Variants in GADD45B observed in about 807,000 individuals in gnomAD.
GADD45B encodes the protein growth arrest and DNA damage inducible beta.
GADD45B carries 8 observed loss-of-function variants against 15.2 expected under a neutral mutation model. The observed-to-expected ratio is 0.53, with a 90% CI of 0.31 to 0.95. GADD45B has a LOEUF of 0.95. Among genes scored for constraint, GADD45B ranks in the 40% least tolerant of loss-of-function variants. The probability of loss-of-function intolerance (pLI) is 0.05; values close to 1 mark genes in which losing one functional copy is unlikely to be tolerated. For synonymous variants in GADD45B, 100 were observed against 89.8 expected, an observed-to-expected ratio of 1.11 and a Z score of -0.64; for missense variants, 162 against 216.6, an observed-to-expected ratio of 0.75 and a Z score of 1.58.
Position 2,477,668 on chromosome 19 carries a change from C to CT in GADD45B, c.*67_*68insT. On this transcript the variant is annotated 3_prime_UTR_variant, in exon 4 of 4. Coordinates refer to ENST00000215631, the MANE Select transcript of GADD45B (RefSeq NM_015675.4). This position sits in a 1 kb window ranked among gnomAD's most constrained non-coding sequence, Gnocchi z 4.2. Reference sequence around the variant, plus strand: ...ACAAAAAATACAATAAATATTTGAACCCCCTCCCCCCCAGCACAACCCCCC... The same window carrying CT: ...ACAAAAAATACAATAAATATTTGAACTCCCCTCCCCCCCAGCACAACCCCCC... 1 of 719,482 alleles carries CT rather than the reference C, an allele frequency of 1.4e-6. No individual in the cohort carries two copies. Among genetic ancestry groups the CT allele is most frequent in the South Asian group, 1.6e-5 (1 of 61,380 alleles). The allele number at this position is 719,482 out of a possible 1,614,324, so 44.6% of individuals were successfully genotyped here.
chr19:2,476,268 T>C lies in GADD45B; in HGVS notation c.-91T>C. On this transcript the variant is annotated 5_prime_UTR_variant, in exon 1 of 4. Transcript: ENST00000215631. ...GTCTTGGACGAGCGCTCTAGCTCTG[T>C]GGGAAGGTTTTGGGCTCTCTGGCTC... 1 of 1,223,088 alleles carries C rather than the reference T, an allele frequency of 8.2e-7. No homozygotes were observed. Among genetic ancestry groups the C allele is most frequent in the Non-Finnish European group, 1.2e-6 (1 of 825,164 alleles). The allele number at this position is 1,223,088 out of a possible 1,614,324, so 75.8% of individuals were successfully genotyped here.
chr19:2,476,701 G>C, intron 2 of GADD45B, 71 bp downstream of exon 2: 1 of 915,154 alleles, frequency 1.1e-6, no homozygotes, highest in Non-Finnish European at 1.7e-6. Flanking sequence ...GACGCTTTCC[G>C]CACGCTTGTC....
At position 2,477,427 on chromosome 19, in the gene GADD45B, C is replaced by T. The variant is rs2144695810; in HGVS notation, c.370-61C>T. The stretch of plus-strand genomic sequence containing the variant: ...AAGCTATTTTGAGCCTGACTGTTTT[C>T]CCCACACAGGGGCCCCGGGAGAGGG... On this transcript the variant is annotated intron_variant, in intron 3 of 3. Coordinates refer to ENST00000215631, the MANE Select transcript of GADD45B (RefSeq NM_015675.4). The surrounding 1 kb of genome is among the most constrained non-coding windows in gnomAD (Gnocchi z 4.2). 8.1e-7 allele frequency: 1 copy of T among 1,230,748 alleles called. No individual in the cohort carries two copies. Among genetic ancestry groups the T allele is most frequent in the Non-Finnish European group, 1.2e-6 (1 of 852,456 alleles). 76.2% of individuals were successfully genotyped at this position (1,230,748 alleles called of 1,614,324 possible).
At position 2,477,759 on chromosome 19, in the gene GADD45B, G is replaced by T; in HGVS notation, c.*158G>T. On this transcript the variant is annotated 3_prime_UTR_variant, in exon 4 of 4. Transcript: ENST00000215631. The surrounding 1 kb of genome is among the most constrained non-coding windows in gnomAD (Gnocchi z 4.2). ...GTTGGAGACTGAAGAGGAAGAGGAG[G>T]AGGAGAAGGGGAGTGAGCGGCCGCC... The T allele has an allele frequency of 2.0e-6, 1 of 509,548 alleles. No individual in the cohort carries two copies. Among genetic ancestry groups the T allele is most frequent in the Non-Finnish European group, 3.5e-6 (1 of 282,366 alleles). The allele number at this position is 509,548 out of a possible 1,614,324, so 31.6% of individuals were successfully genotyped here.
chr19:2,476,539 G>C lies in GADD45B; in HGVS notation c.55G>C (p.Val19Leu). ...CTTTCCTGGTCTCAGGATGCAGACG[G>C]TGACCGCCGCGGTGGAGGAGCTTTT... Reference protein sequence around the residue: ...CDNAAQKMQTVTAAVEELLVA... With the variant: ...CDNAAQKMQTLTAAVEELLVA... The change falls in exon 2 of 4, where the codon GTG becomes CTG. Residue 19 changes from valine to leucine, a missense_variant. Val to Leu is a conservative substitution (Grantham distance 32). Transcript: ENST00000215631. The C allele has an allele frequency of 6.2e-7, 1 of 1,606,624 alleles. No individual in the cohort carries two copies. Among genetic ancestry groups the C allele is most frequent in the Non-Finnish European group, 8.5e-7 (1 of 1,174,904 alleles).
chr19:2,477,987 C>A lies in GADD45B; in HGVS notation c.*386C>A. On this transcript the variant is annotated 3_prime_UTR_variant, in exon 4 of 4. Coordinates refer to ENST00000215631, the MANE Select transcript of GADD45B (RefSeq NM_015675.4). The surrounding 1 kb of genome is among the most constrained non-coding windows in gnomAD (Gnocchi z 4.2). ...AGTGAGACTGACTGCAAGCCCCACC[C>A]TCCTTGAGACTGGAGCTGGCGTCTG... 6.0e-6 allele frequency: 1 copy of A among 167,218 alleles called. No individual in the cohort carries two copies. The highest frequency in any genetic ancestry group is 1.3e-5 in the Non-Finnish European group (1 of 75,524). The allele number at this position is 167,218 out of a possible 1,614,324, so 10.4% of individuals were successfully genotyped here.
In GADD45B at chr19:2,477,851, G is replaced by A. The variant is rs1568217837; in HGVS notation, c.*250G>A. The A allele has an allele frequency of 1.1e-5, 4 of 359,858 alleles. No individual in the cohort carries two copies. In the South Asian group the frequency reaches 1.1e-4, roughly 10 times the overall value. The allele number at this position is 359,858 out of a possible 1,614,324, so 22.3% of individuals were successfully genotyped here. A position where few individuals can be genotyped will look rare whatever the true frequency, so the allele number is the denominator to read the frequency against. On this transcript the variant is annotated 3_prime_UTR_variant, in exon 4 of 4. Transcript: ENST00000215631. The surrounding 1 kb of genome is among the most constrained non-coding windows in gnomAD (Gnocchi z 4.2). ...GGAGAAGGGGGGACCCAGGCCAGCA[G>A]GAGACAGGACCCCCGAAGCTGAGGC...
chr19:2,476,590 C>T lies in GADD45B; in HGVS notation c.106C>T (p.Leu36Phe). Reference protein sequence around the residue: ...LLVAAQRQDRLTVGVYESAKL... With the variant: ...LLVAAQRQDRFTVGVYESAKL... ...GGTGGCCGCTCAGCGCCAGGATCGCCTCACAGTGGGGGTGTACGAGTCGGC... is the reference window on the plus strand; with the variant it reads ...GGTGGCCGCTCAGCGCCAGGATCGCTTCACAGTGGGGGTGTACGAGTCGGC... The change falls in exon 2 of 4, where the codon CTC (leucine) becomes TTC (phenylalanine). Residue 36 changes from leucine (L) to phenylalanine (F), a missense_variant. Transcript: ENST00000215631. 1 of 1,601,050 alleles carries T rather than the reference C, an allele frequency of 6.2e-7. No individual in the cohort carries two copies. Among genetic ancestry groups the T allele is most frequent in the Non-Finnish European group, 8.5e-7 (1 of 1,171,760 alleles).
chr19:2,476,506 T>C (rs370255741), intron 1 of GADD45B, 23 bp from the exon 2 acceptor site: 155 of 1,604,966 alleles, frequency 9.7e-5, no homozygotes, highest in Non-Finnish European at 1.3e-4. Context: ...CGCCCGTCAC[T>C]GATCCCTCTT....
rs368090278 is a variant in GADD45B at position 2,477,022 on chromosome 19, C to T, written c.147-7C>T. On this transcript the variant is annotated splice_polypyrimidine_tract_variant and splice_region_variant and intron_variant, in intron 2 of 3. Coordinates refer to ENST00000215631, the MANE Select transcript of GADD45B (RefSeq NM_015675.4). This position sits in a 1 kb window ranked among gnomAD's most constrained non-coding sequence, Gnocchi z 4.2. ...GCTGACCCATCCCTACCCTTTGGCC[C>T]CCTCAGGGACCCAGACAGCGTGGTC... is the stretch of plus-strand genomic sequence containing the variant. 2.4e-5 allele frequency: 38 copies of T among 1,602,226 alleles called. No homozygotes were observed. Among genetic ancestry groups the T allele is most frequent in the Non-Finnish European group, 3.0e-5 (35 of 1,169,910 alleles).
At chr19:2,476,508 A>G (rs1972316164) in intron 1 of GADD45B, 21 bp from the exon 2 acceptor site, 1 of 1,605,580 alleles carries the variant, frequency 6.2e-7, no homozygotes, top group Admixed American at 1.7e-5. Context: ...CCCGTCACTG[A>G]TCCCTCTTTC....
rs1466157391 is a variant in GADD45B at position 2,477,694 on chromosome 19, C to T, written c.*93C>T. On this transcript the variant is annotated 3_prime_UTR_variant, in exon 4 of 4. Coordinates refer to ENST00000215631, the MANE Select transcript of GADD45B (RefSeq NM_015675.4). This position sits in a 1 kb window ranked among gnomAD's most constrained non-coding sequence, Gnocchi z 4.2. The stretch of plus-strand genomic sequence containing the variant: ...CCCCTCCCCCCCAGCACAACCCCCC[C>T]AAAACAACCCAACCCACGAGGACCA... The T allele has an allele frequency of 1.6e-6, 1 of 614,798 alleles. No homozygotes were observed. Among genetic ancestry groups the T allele is most frequent in the Non-Finnish European group, 2.9e-6 (1 of 343,992 alleles). The allele number at this position is 614,798 out of a possible 1,614,324, so 38.1% of individuals were successfully genotyped here.
At position 2,477,062 on chromosome 19, in the gene GADD45B, C is replaced by T; in HGVS notation, c.180C>T (p.Ala60=). 1 of 1,613,786 alleles carries T rather than the reference C, an allele frequency of 6.2e-7. No homozygotes were observed. The highest frequency in any genetic ancestry group is 1.1e-5 in the South Asian group (1 of 91,082). ...ACAGCGTGGTCCTCTGCCTCTTGGC[C>T]ATTGACGAGGAGGAGGAGGATGACA... The part of the protein sequence containing the change: ...DPDSVVLCLL[A]IDEEEEDDIA... The change falls in exon 3 of 4, where the codon GCC becomes GCT. Residue 60 remains alanine, a synonymous_variant. Transcript: ENST00000215631. The surrounding 1 kb of genome is among the most constrained non-coding windows in gnomAD (Gnocchi z 4.2).
In GADD45B at chr19:2,476,554, G is replaced by C. The variant is rs1972317552; in HGVS notation, c.70G>C (p.Glu24Gln). The C allele has an allele frequency of 6.2e-7, 1 of 1,606,304 alleles. No homozygotes were observed. Among genetic ancestry groups the C allele is most frequent in the East Asian group, 2.2e-5 (1 of 44,732 alleles). Residue 24 changes from glutamate (E) to glutamine (Q), a missense_variant, in exon 2 of 4, where the codon GAG becomes CAG. Glu to Gln is a conservative substitution (Grantham distance 29, BLOSUM62 2). Transcript: ENST00000215631. The part of the protein sequence containing the change: ...QKMQTVTAAV[E>Q]ELLVAAQRQD... ...GATGCAGACGGTGACCGCCGCGGTG[G>C]AGGAGCTTTTGGTGGCCGCTCAGCG... is the stretch of plus-strand genomic sequence containing the variant.
chr19:2,476,919 C>G (rs779929652), intron 2 of GADD45B, 110 bp from the exon 3 acceptor site: 9 of 697,680 alleles, frequency 1.3e-5, no homozygotes, highest in African/African-American at 1.1e-4. Flanking sequence ...TCCCCTGCAC[C>G]CTTGCAGTTT....
At position 2,476,374 on chromosome 19, in the gene GADD45B, C is replaced by T. The variant is rs533284121; in HGVS notation, c.16C>T (p.Leu6Phe). 2 of 1,613,810 alleles carry T rather than the reference C, an allele frequency of 1.2e-6. No homozygotes were observed. The highest frequency in any genetic ancestry group is 1.7e-5 in the Admixed American group (1 of 60,026). Residue 6 changes from leucine (L) to phenylalanine (F), a missense_variant, in exon 1 of 4, where the codon CTC (leucine) becomes TTC (phenylalanine). Transcript: ENST00000215631. ...TAATTGCAACATGACGCTGGAAGAG[C>T]TCGTGGCGTGCGACAACGCGGCGCA... MTLEE[L>F]VACDNAAQKM...
Position 2,476,176 on chromosome 19 carries a change from A to G in GADD45B, c.-183A>G, listed in dbSNP as rs1419352651. On this transcript the variant is annotated 5_prime_UTR_variant, in exon 1 of 4. Coordinates refer to ENST00000215631, the MANE Select transcript of GADD45B (RefSeq NM_015675.4). ...GTTGGTTTCCGCAACTTCCTGGATTATCCTCGCCAAGGACTTTGCAATATA... is the reference window on the plus strand; with the variant it reads ...GTTGGTTTCCGCAACTTCCTGGATTGTCCTCGCCAAGGACTTTGCAATATA... The G allele has an allele frequency of 4.6e-6, 3 of 657,214 alleles. No individual in the cohort carries two copies. The highest frequency in any genetic ancestry group is 3.6e-5 in the South Asian group (2 of 55,964). 40.7% of individuals were successfully genotyped at this position (657,214 alleles called of 1,614,324 possible).
rs1050449706 is a variant in GADD45B, at chr19:2,476,661, C to A, written c.146+31C>A. On this transcript the variant is annotated intron_variant, in intron 2 of 3. Coordinates refer to ENST00000215631, the MANE Select transcript of GADD45B (RefSeq NM_015675.4). Reference sequence around the variant, plus strand: ...TCAGACCCCCTTCCCGGGCTGGGCGCGGGTGGGACGGGACCTCCCCTCCGC... The same window carrying A: ...TCAGACCCCCTTCCCGGGCTGGGCGAGGGTGGGACGGGACCTCCCCTCCGC... 4 of 1,308,138 alleles carry A rather than the reference C, an allele frequency of 3.1e-6. No homozygotes were observed. In the African/African-American group the frequency reaches 4.4e-5, roughly 14 times the overall value. The allele number at this position is 1,308,138 out of a possible 1,614,324, so 81.0% of individuals were successfully genotyped here.
Position 2,477,367 on chromosome 19 carries a change from C to A in GADD45B, c.369+116C>A. On this transcript the variant is annotated intron_variant, in intron 3 of 3. Transcript: ENST00000215631. This position sits in a 1 kb window ranked among gnomAD's most constrained non-coding sequence, Gnocchi z 4.2. ...AGCGCTCAGCCACGTTTGGCATGTC[C>A]CGTGGGCAGCCGGGCTGGGGCCTCC... 1.0e-6 allele frequency: 1 copy of A among 1,000,640 alleles called. No homozygotes were observed. The highest frequency in any genetic ancestry group is 1.5e-6 in the Non-Finnish European group (1 of 676,780). The allele number at this position is 1,000,640 out of a possible 1,614,324, so 62.0% of individuals were successfully genotyped here.
Sources: allele counts gnomAD v4.1 joint callset, GRCh38; gene constraint gnomAD v4.1.1; non-coding constraint Gnocchi (gnomAD v3.1); transcripts MANE v1.5; gene names NCBI Gene and HGNC (gene_info 2026-07-23, HGNC 2026-07-21).